Variants in MACF1 observed in about 807,000 individuals in gnomAD.
MACF1 encodes the protein microtubule actin crosslinking factor 1.
In MACF1, 193 loss-of-function variants were observed where a neutral mutation model predicts 854.8. That is an observed-to-expected ratio of 0.23 (90% CI 0.20 to 0.25). The LOEUF (loss-of-function observed/expected upper bound fraction) is 0.25. Ranked by LOEUF, MACF1 falls within the 10% of genes least tolerant of loss-of-function variation. MACF1 has a pLI of 1.00. For missense variants in MACF1, 7,722 were observed against 8,929.1 expected (o/e 0.86, Z 5.45); for synonymous variants, 3,185 against 3,226.7 (o/e 0.99, Z 0.44).
intron 96 of MACF1, among the ~76,000 whole-genome samples, chr1:39,469,342 G>A (rs573983751): frequency 6.6e-6 from 1 of 152,160 alleles, no homozygotes; most frequent in Non-Finnish European, 1.5e-5. Context: ...GCAGCTAGGG[G>A]GTGTGTGGGG....
intron 2 of MACF1, among the ~76,000 whole-genome samples, chr1:39,190,567 T>C (rs1019234716): frequency 6.6e-6 from 1 of 151,846 alleles, no homozygotes; most frequent in Non-Finnish European, 1.5e-5. Context: ...CTCGAACTCC[T>C]GGGCTCAAGA....
At chr1:39,414,015 C>T (rs1267183083) in intron 58 of MACF1, 19 of 1,608,346 alleles carry the variant, frequency 1.2e-5, no homozygotes, top group Non-Finnish European at 1.6e-5. Context: ...CAGTGCCCAC[C>T]CTAGAGGAAC....
intron 58 of MACF1, among the ~76,000 whole-genome samples, chr1:39,393,196 A>AAAAAAAAAAAAATATATATATATAT (rs57576149): frequency 6.0e-5 from 4 of 66,572 alleles, no homozygotes; most frequent in African/African-American, 1.7e-4. Flanking sequence ...AAAAAAAAAA[A>AAAAAAAAAAAAATATATATATATAT]ATATATATAT....
chr1:39,250,242 G>T (rs1440527646), intron 3 of MACF1, 139 bp downstream of exon 3: 3 of 497,910 alleles, frequency 6.0e-6, no homozygotes, highest in Non-Finnish European at 1.1e-5. Flanking sequence ...AATGTTGGGG[G>T]ACTTTATTTC....
At chr1:39,229,631 G>C (rs1454422422) in intron 1 of MACF1, among the ~76,000 whole-genome samples, 2 of 152,220 alleles carry the variant, frequency 1.3e-5, no homozygotes, top group Non-Finnish European at 2.9e-5. Flanking sequence ...TTGTCATGGT[G>C]AATGTAGTAG....
At chr1:39,208,713 C>T (rs1441591956) in intron 1 of MACF1, among the ~76,000 whole-genome samples, 2 of 152,134 alleles carry the variant, frequency 1.3e-5, no homozygotes, top group Non-Finnish European at 2.9e-5. Flanking sequence ...CAACCCCCGC[C>T]TCCCGGGTTC....
chr1:39,358,678 C>G lies in MACF1; in HGVS notation c.11944-19C>G, dbSNP rs766048917. On this transcript the variant is annotated intron_variant, in intron 45 of 100. Coordinates refer to ENST00000564288, the MANE Select transcript of MACF1 (RefSeq NM_001394062.1). ...CCTGACCTTGCTTAAGTCTGCTTAC[C>G]TTTCTTTCTCTGGCACAGTGTACAC... is the stretch of plus-strand genomic sequence containing the variant. 1 of 1,611,518 alleles carries G rather than the reference C, an allele frequency of 6.2e-7. No individual in the cohort carries two copies. The highest frequency in any genetic ancestry group is 8.5e-7 in the Non-Finnish European group (1 of 1,179,322).
rs1308542197 is a variant in MACF1 at position 39,314,567 on chromosome 1, TCTCACACA to T, written c.3271-944_3271-937del. ...TTCTCTTTCTCTCTCTCTCTCTCTCTCTCACACACACACACACACACACACACACACAC... is the reference window on the plus strand; with the variant it reads ...TTCTCTTTCTCTCTCTCTCTCTCTCTCACACACACACACACACACACACAC... On this transcript the variant is annotated intron_variant, in intron 26 of 100. Transcript: ENST00000564288. Among the ~76,000 whole-genome samples the T allele has an allele frequency of 3.5e-3, 407 of 115,196 alleles. 2 individuals are homozygous for T. Among genetic ancestry groups the T allele is most frequent in the Middle Eastern group, 0.012 (3 of 244 alleles). The allele number at this position is 115,196 out of a possible 152,430, so 75.6% of individuals were successfully genotyped here. A position where few individuals can be genotyped will look rare whatever the true frequency, so the allele number is the denominator to read the frequency against.
chr1:39,254,221 T>C (rs1645073542), intron 4 of MACF1, 77 bp from the exon 5 acceptor site: 10 of 1,247,938 alleles, frequency 8.0e-6, no homozygotes, highest in Middle Eastern at 1.9e-4. Flanking sequence ...CCTTTAGTCC[T>C]GGAAATAAAA....
chr1:39,129,799 A>G (rs956996203), intron 2 of MACF1, among the ~76,000 whole-genome samples: 3 of 152,174 alleles, frequency 2.0e-5, no homozygotes, highest in South Asian at 4.1e-4. Flanking sequence ...GTTAGTTATC[A>G]TTCCCATCTC....
At chr1:39,479,301 C>T (rs953389151) in intron 97 of MACF1, among the ~76,000 whole-genome samples, 1 of 152,142 alleles carries the variant, frequency 6.6e-6, no homozygotes, top group Non-Finnish European at 1.5e-5. Flanking sequence ...AGTTCCTGGA[C>T]TCCTTTCTTT....
rs1557651847 is a variant in MACF1 at position 39,432,579 on chromosome 1, A to G, written c.17382A>G (p.Thr5794=). The part of the protein sequence containing the change: ...ADAELAWVAE[T]KRKLMALGPI... ...CAGAACTAGCTTGGGTTGCTGAAAC[A>G]AAACGGAAACTGATGGCTCTGGGTC... The change falls in exon 67 of 101, where the codon ACA becomes ACG. Residue 5794 remains threonine (T), a synonymous_variant. Coordinates refer to ENST00000564288, the MANE Select transcript of MACF1 (RefSeq NM_001394062.1). 1.9e-6 allele frequency: 3 copies of G among 1,614,120 alleles called. No individual in the cohort carries two copies. The highest frequency in any genetic ancestry group is 8.5e-7 in the Non-Finnish European group (1 of 1,179,992).
chr1:39,246,233 C>G (rs1405139889), intron 2 of MACF1, among the ~76,000 whole-genome samples: 1 of 152,010 alleles, frequency 6.6e-6, no homozygotes, highest in Non-Finnish European at 1.5e-5. Context: ...ATCCAGAAAG[C>G]CCATTTCCAT....
At chr1:39,220,916 T>C (rs1213659374) in intron 1 of MACF1, among the ~76,000 whole-genome samples, 2 of 152,192 alleles carry the variant, frequency 1.3e-5, no homozygotes, top group Admixed American at 1.3e-4. Flanking sequence ...GAAGAAACTT[T>C]AAAGTGCCAT....
Position 39,105,509 on chromosome 1 carries a change from G to A in MACF1, c.220+21071G>A. On this transcript the variant is annotated intron_variant, in intron 2 of 93. Transcript: ENST00000361689. This position sits in a 1 kb window ranked among gnomAD's most constrained non-coding sequence, Gnocchi z 5.9. ...CGGGCGGACGGCGGAGAGCGAGGGC[G>A]CCGTCGCCGTCTCTGAGACGCACAA... 2.0e-6 allele frequency: 2 copies of A among 1,014,620 alleles called. No homozygotes were observed. The highest frequency in any genetic ancestry group is 2.4e-6 in the Non-Finnish European group (2 of 849,838). 62.9% of individuals were successfully genotyped at this position (1,014,620 alleles called of 1,614,324 possible).
rs766846165 is a variant in MACF1 at position 39,387,660 on chromosome 1, T to G, written c.14818T>G (p.Ser4940Ala). ...RVTLDPVQLESSLLRSKAMLN... is the reference protein window; with the variant it reads ...RVTLDPVQLEASLLRSKAMLN... ...CACTCTGGATCCAGTGCAGCTAGAG[T>G]CCAGTCTCCTAAGATCAAAGGCTAT... is the stretch of plus-strand genomic sequence containing the variant. Residue 4940 changes from serine (S) to alanine (A), a missense_variant, in exon 58 of 101, where the codon TCC becomes GCC. Physicochemically the swap from Ser to Ala is moderately conservative, Grantham distance 99. Coordinates refer to ENST00000564288, the MANE Select transcript of MACF1 (RefSeq NM_001394062.1). 17 of 1,613,848 alleles carry G rather than the reference T, an allele frequency of 1.1e-5. No individual in the cohort carries two copies. The highest frequency in any genetic ancestry group is 1.4e-5 in the Non-Finnish European group (17 of 1,179,972).
intron 2 of MACF1, among the ~76,000 whole-genome samples, chr1:39,186,218 G>A (rs1047375422): frequency 2.5e-4 from 24 of 96,430 alleles, no homozygotes; most frequent in African/African-American, 1.1e-3. Context: ...CTCTCTCTGT[G>A]TGTGTGTGTG....
intron 95 of MACF1, among the ~76,000 whole-genome samples, chr1:39,466,443 T>TG (rs905795054): frequency 2.0e-5 from 3 of 152,106 alleles, no homozygotes; most frequent in African/African-American, 7.2e-5. Context: ...AAATTAAGGT[T>TG]GGGGGGGACA....
intron 58 of MACF1, among the ~76,000 whole-genome samples, chr1:39,402,225 G>A (rs576244675): frequency 3.9e-5 from 6 of 152,026 alleles, no homozygotes; most frequent in Non-Finnish European, 7.4e-5. Context: ...AAGAGGGGGT[G>A]ATTCAACCCA....
Sources: gnomAD v4.1 joint callset for allele counts (sites outside exome capture counted in the v4.1 genomes callset) on GRCh38, gnomAD v4.1.1 for gene constraint, Gnocchi (gnomAD v3.1) non-coding constraint, MANE v1.5 for transcripts, NCBI Gene and HGNC (gene_info 2026-07-23, HGNC 2026-07-21) for gene names.